ZMYND11: variants seen among roughly 807,000 people sequenced by gnomAD.
The protein encoded by ZMYND11 is zinc finger MYND-type containing 11.
In ZMYND11, 9 loss-of-function variants were observed where a neutral mutation model predicts 84.9. The observed-to-expected ratio is 0.11, with a 90% CI of 0.06 to 0.18. The LOEUF (loss-of-function observed/expected upper bound fraction) is 0.18. ZMYND11 is among the 10% of genes least tolerant of loss of function. ZMYND11 has a pLI of 1.00. For synonymous variants in ZMYND11, 250 were observed against 244.1 expected (o/e 1.02, Z -0.23); for missense variants, 409 against 761.0 (o/e 0.54, Z 5.44).
chr10:238,998 T>C lies in ZMYND11; in HGVS notation c.610-440T>C, dbSNP rs187486561. Among the ~76,000 whole-genome samples, 455 of 152,286 alleles carry C rather than the reference T, an allele frequency of 3.0e-3. No individual in the cohort carries two copies. The Middle Eastern group carries it at 0.031, about 10-fold the overall frequency. Reference sequence around the variant, plus strand: ...CCAATTCAGAACTATAAATATATCTTAGTAGTTATGGTAAACTGTCACAGA... The same window carrying C: ...CCAATTCAGAACTATAAATATATCTCAGTAGTTATGGTAAACTGTCACAGA... On this transcript the variant is annotated intron_variant, in intron 6 of 14. Transcript: ENST00000381604.
upstream of ZMYND11, chr10:134,619 A>C (rs2130998576): frequency 6.6e-6 from 1 of 152,290 alleles, no homozygotes; most frequent in South Asian, 2.1e-4. Context: ...AGACTACCTA[A>C]ACAATGTTGT....
chr10:243,895 T>G (rs1951576506), intron 10 of ZMYND11, among the ~76,000 whole-genome samples: 1 of 152,168 alleles, frequency 6.6e-6, no homozygotes, highest in Admixed American at 6.5e-5. Context: ...GGTGCTAATC[T>G]GCAGCAGTCC....
chr10:187,987 G>A (rs187742177), intron 2 of ZMYND11, among the ~76,000 whole-genome samples: 6 of 152,232 alleles, frequency 3.9e-5, no homozygotes, highest in African/African-American at 1.2e-4. Flanking sequence ...AGAAAATGCC[G>A]TAGTAAGTTG....
In ZMYND11 at chr10:249,029, A is replaced by G. The variant is rs767685916; in HGVS notation, c.1627A>G (p.Ile543Val). ...GTGTAAGGAAGAATTTGTAGAAGAAATCAAGAAGCTGGCAACACAGCACAA... is the reference window on the plus strand; with the variant it reads ...GTGTAAGGAAGAATTTGTAGAAGAAGTCAAGAAGCTGGCAACACAGCACAA... ...EKCKEEFVEE[I>V]KKLATQHKQL... is the part of the protein sequence containing the mutation. Residue 543 changes from isoleucine to valine, a missense_variant, in exon 14 of 15, where the codon ATC becomes GTC. Transcript: ENST00000381604. The G allele has an allele frequency of 1.9e-6, 3 of 1,614,226 alleles. No homozygotes were observed. The highest frequency in any genetic ancestry group is 2.5e-6 in the Non-Finnish European group (3 of 1,180,030).
intron 11 of ZMYND11, 71 bp from the exon 12 acceptor site, chr10:247,327 C>T: frequency 6.5e-7 from 1 of 1,538,516 alleles, no homozygotes; most frequent in South Asian, 1.1e-5. Context: ...TGTGGGTCCA[C>T]TATGAGTGTT....
At chr10:215,384 T>A (rs1441455510) in intron 3 of ZMYND11, among the ~76,000 whole-genome samples, 1 of 152,208 alleles carries the variant, frequency 6.6e-6, no homozygotes, top group African/African-American at 2.4e-5. Flanking sequence ...TCTCACAGCC[T>A]CATTTCCTTG....
chr10:216,730 C>G (rs1407447221), intron 3 of ZMYND11, among the ~76,000 whole-genome samples: 2 of 152,108 alleles, frequency 1.3e-5, no homozygotes, highest in African/African-American at 4.8e-5. Flanking sequence ...TACTTTCCTT[C>G]TTATTCAAGA....
intron 1 of ZMYND11, among the ~76,000 whole-genome samples, chr10:170,086 T>A (rs538217581): frequency 1.2e-3 from 180 of 152,218 alleles, no homozygotes; most frequent in African/African-American, 4.2e-3. Context: ...CATCTGACTT[T>A]TCTTCAGAAA....
chr10:250,892 G>A (rs1314574629), intron 14 of ZMYND11, among the ~76,000 whole-genome samples: 2 of 152,056 alleles, frequency 1.3e-5, no homozygotes, highest in African/African-American at 4.8e-5. Flanking sequence ...GCGTGGTGGT[G>A]TGTGCCTGAA....
At chr10:239,575 A>T in intron 7 of ZMYND11, 50 bp downstream of exon 7, 1 of 1,253,138 alleles carries the variant, frequency 8.0e-7, no homozygotes, top group Non-Finnish European at 1.2e-6. Flanking sequence ...CACCATTTAC[A>T]TTCCATGTTG....
In ZMYND11 at chr10:169,821, A is replaced by C. The variant is rs116386658; in HGVS notation, c.-19-10173A>C. Among the ~76,000 whole-genome samples the C allele has an allele frequency of 4.6e-3, 708 of 152,266 alleles. 5 individuals carry two copies. Among genetic ancestry groups the C allele is most frequent in the African/African-American group, 0.016 (675 of 41,572 alleles). On this transcript the variant is annotated intron_variant, in intron 1 of 14. Transcript: ENST00000381604. Reference sequence around the variant, plus strand: ...ACTACAGGAAAGCTATGAAAGATGTAATATATGTATAATGGGAATACCAGA... The same window carrying C: ...ACTACAGGAAAGCTATGAAAGATGTCATATATGTATAATGGGAATACCAGA...
At chr10:157,047 T>C (rs1554759446) in intron 1 of ZMYND11, among the ~76,000 whole-genome samples, 3 of 152,192 alleles carry the variant, frequency 2.0e-5, no homozygotes, top group Non-Finnish European at 4.4e-5. Context: ...TTTTTATGGA[T>C]AAGCTACTGC....
chr10:239,431 T>A lies in ZMYND11; in HGVS notation c.610-7T>A. On this transcript the variant is annotated splice_region_variant and splice_polypyrimidine_tract_variant and intron_variant, in intron 6 of 14. Coordinates refer to ENST00000381604, the MANE Select transcript of ZMYND11 (RefSeq NM_001370100.5). ...CTTTTCGTCATTCTGTTTTTTGCCC[T>A]CTGCAGAAAGTGAATGAAGGGAAAT... 1 of 1,610,744 alleles carries A rather than the reference T, an allele frequency of 6.2e-7. No homozygotes were observed.
At chr10:250,485 A>G (rs1953203325) in intron 14 of ZMYND11, among the ~76,000 whole-genome samples, 1 of 152,114 alleles carries the variant, frequency 6.6e-6, no homozygotes, top group Admixed American at 6.5e-5. Flanking sequence ...ATGGAGCAAG[A>G]CCCTGTCTCT....
intron 4 of ZMYND11, among the ~76,000 whole-genome samples, chr10:229,068 G>A (rs550932127): frequency 1.5e-4 from 23 of 152,284 alleles, no homozygotes; most frequent in African/African-American, 4.3e-4. Context: ...CAGCCCAGTA[G>A]TAGACTGGCT....
intron 1 of ZMYND11, among the ~76,000 whole-genome samples, chr10:160,014 C>T (rs782427814): frequency 4.6e-5 from 7 of 152,166 alleles, no homozygotes; most frequent in Non-Finnish European, 8.8e-5. Flanking sequence ...ACCCCCAAAG[C>T]AGTATTGAGT....
In ZMYND11 at chr10:247,410, C is replaced by G; in HGVS notation, c.1171C>G (p.Gln391Glu). The G allele has an allele frequency of 1.2e-6, 2 of 1,614,058 alleles. No homozygotes were observed. Among genetic ancestry groups the G allele is most frequent in the Non-Finnish European group, 1.7e-6 (2 of 1,179,966 alleles). Residue 391 changes from glutamine (Q) to glutamate (E), a missense_variant, in exon 12 of 15, where the codon CAA becomes GAA. Around this residue, in one of 7 missense-constraint regions of ZMYND11, gnomAD observed 19 missense variants for 60.5 expected, o/e 0.31. Transcript: ENST00000381604. Reference sequence around the variant, plus strand: ...ATAATGCCCACAGCTAAAGGTCACTCAAGAACCAAGAGCAAAGAAAGGACG... The same window carrying G: ...ATAATGCCCACAGCTAAAGGTCACTGAAGAACCAAGAGCAAAGAAAGGACG... ...STSNEQLKVT[Q>E]EPRAKKGRRN...
chr10:227,864 T>C (rs1313082518), intron 4 of ZMYND11, among the ~76,000 whole-genome samples: 1 of 152,188 alleles, frequency 6.6e-6, no homozygotes, highest in African/African-American at 2.4e-5. Flanking sequence ...TATTAACAAA[T>C]CTAGAATGGA....
chr10:235,860 TTA>T (rs1334460898), intron 4 of ZMYND11, among the ~76,000 whole-genome samples: 2 of 152,338 alleles, frequency 1.3e-5, no homozygotes, highest in Admixed American at 6.5e-5. Flanking sequence ...TTTAGATATT[TTA>T]TGTGTTTATA....
Sources: allele counts gnomAD v4.1 joint callset (sites outside exome capture counted in the v4.1 genomes callset), GRCh38; gene constraint gnomAD v4.1.1; regional missense constraint gnomAD v4.1.1; transcripts MANE v1.5; gene names NCBI Gene and HGNC (gene_info 2026-07-23, HGNC 2026-07-21).